Variants in SEC14L1 observed in about 807,000 individuals in gnomAD.
SEC14L1 encodes SEC14-like protein 1.
SEC14L1 carries 48 observed loss-of-function variants against 85.3 expected under a neutral mutation model. The observed-to-expected ratio is 0.56, with a 90% CI of 0.45 to 0.72. SEC14L1 has a LOEUF of 0.72. SEC14L1 is among the 30% of genes least tolerant of loss of function. SEC14L1 has a pLI of 0.00. For missense variants in SEC14L1, 682 were observed against 921.4 expected, an observed-to-expected ratio of 0.74 and a Z score of 3.36; for synonymous variants, 391 against 355.5, an observed-to-expected ratio of 1.10 and a Z score of -1.12.
In SEC14L1 at chr17:77,197,152, AT is replaced by A. The variant is rs560549795; in HGVS notation, c.819+842del. Among the ~76,000 whole-genome samples the A allele has an allele frequency of 2.6e-5, 4 of 152,334 alleles. No individual in the cohort carries two copies. In the East Asian group the frequency reaches 7.7e-4, roughly 29 times the overall value. On this transcript the variant is annotated intron_variant, in intron 8 of 16. Coordinates refer to ENST00000436233, the MANE Select transcript of SEC14L1 (RefSeq NM_001143998.2). ...TAACTGTGGTCCTTTCTGAGTGAAG[AT>A]GATGCCACGTCAGTAGGCCACATGC...
chr17:77,094,584 C>G (rs1161159208), intron 3 of SEC14L1: 1 of 152,354 alleles, frequency 6.6e-6, no homozygotes, highest in Non-Finnish European at 1.5e-5. Flanking sequence ...TCTCCTGCCT[C>G]AGCCTCCCAA....
In SEC14L1 at chr17:77,103,027, C is replaced by T. The variant is rs75289869; in HGVS notation, c.-136+9680C>T. Reference sequence around the variant, plus strand: ...CTCACTATATTGCCCAGACTGGACTCGAACTCCTGGCTTCAAGTGATCCTC... The same window carrying T: ...CTCACTATATTGCCCAGACTGGACTTGAACTCCTGGCTTCAAGTGATCCTC... On this transcript the variant is annotated intron_variant, in intron 3 of 19. Transcript: ENST00000392476. 5.0e-4 allele frequency among the ~76,000 whole-genome samples: 76 copies of T among 152,148 alleles called. No homozygotes were observed. In the East Asian group the frequency reaches 0.012, roughly 24 times the overall value.
At chr17:77,140,492 G>C (rs557272732), upstream of SEC14L1, among the ~76,000 whole-genome samples, 2 of 152,256 alleles carry the variant, frequency 1.3e-5, no homozygotes, top group Admixed American at 6.5e-5. Context: ...GAAGCACGGG[G>C]GCAGCCGCCA....
chr17:77,212,553 G>T (rs1182290828), intron 15 of SEC14L1, among the ~76,000 whole-genome samples: 1 of 152,170 alleles, frequency 6.6e-6, no homozygotes, highest in Admixed American at 6.5e-5. Flanking sequence ...ACCCTAAATA[G>T]AAGTAAGAGG....
At chr17:77,121,080 G>C (rs893700742) in intron 3 of SEC14L1, among the ~76,000 whole-genome samples, 1 of 152,202 alleles carries the variant, frequency 6.6e-6, no homozygotes, top group Non-Finnish European at 1.5e-5. Context: ...GTGATCCTGA[G>C]AGTTGGTTGT....
chr17:77,139,927 T>C (rs1433167050), upstream of SEC14L1, among the ~76,000 whole-genome samples: 2 of 152,214 alleles, frequency 1.3e-5, no homozygotes, highest in Non-Finnish European at 2.9e-5. Flanking sequence ...AATGATTTGC[T>C]TGTGTGTCTG....
chr17:77,209,560 A>C, intron 14 of SEC14L1, 84 bp downstream of exon 14: 1 of 1,452,352 alleles, frequency 6.9e-7, no homozygotes, highest in Non-Finnish European at 9.3e-7. Context: ...GCAGCCTTTC[A>C]TTCAGAACAG....
intron 3 of SEC14L1, among the ~76,000 whole-genome samples, chr17:77,177,899 C>G (rs1026000394): frequency 1.3e-5 from 2 of 151,912 alleles, no homozygotes; most frequent in Non-Finnish European, 2.9e-5. Context: ...CATGGCTGTC[C>G]TATGAAGAGT....
intron 9 of SEC14L1, among the ~76,000 whole-genome samples, chr17:77,201,502 G>A (rs1272098837): frequency 6.7e-6 from 1 of 149,828 alleles, no homozygotes; most frequent in African/African-American, 2.5e-5. Flanking sequence ...CAAGGCTGGA[G>A]TCCAGTGGCA....
intron 10 of SEC14L1, among the ~76,000 whole-genome samples, chr17:77,203,907 A>T (rs1263769332): frequency 6.6e-6 from 1 of 151,974 alleles, no homozygotes; most frequent in Non-Finnish European, 1.5e-5. Context: ...CAGCAGTTTG[A>T]GTCTTTTCAT....
At chr17:77,098,175 T>C (rs1598214594) in intron 3 of SEC14L1, among the ~76,000 whole-genome samples, 2 of 152,168 alleles carry the variant, frequency 1.3e-5, no homozygotes, top group Admixed American at 6.5e-5. Context: ...GAACCATTTT[T>C]CCCTCTAATG....
At chr17:77,192,929 C>G (rs921961346) in intron 5 of SEC14L1, among the ~76,000 whole-genome samples, 1 of 152,164 alleles carries the variant, frequency 6.6e-6, no homozygotes, top group African/African-American at 2.4e-5. Context: ...CCCAAAGTGT[C>G]GGGATTGCAG....
chr17:77,206,496 C>G lies in SEC14L1; in HGVS notation c.1341+96C>G. On this transcript the variant is annotated intron_variant, in intron 12 of 16. Transcript: ENST00000436233. This position sits in a 1 kb window ranked among gnomAD's most constrained non-coding sequence, Gnocchi z 4.3. Reference sequence around the variant, plus strand: ...TGTCTGTGACCTAAAGTCTTAACTTCTTAGGAAAAAAAACAATAACATGCA... The same window carrying G: ...TGTCTGTGACCTAAAGTCTTAACTTGTTAGGAAAAAAAACAATAACATGCA... 1 of 1,409,942 alleles carries G rather than the reference C, an allele frequency of 7.1e-7. No homozygotes were observed. The highest frequency in any genetic ancestry group is 9.6e-7 in the Non-Finnish European group (1 of 1,041,490). 87.3% of individuals were successfully genotyped at this position (1,409,942 alleles called of 1,614,324 possible). A position where few individuals can be genotyped will look rare whatever the true frequency, so the allele number is the denominator to read the frequency against.
At position 77,206,854 on chromosome 17, in the gene SEC14L1, G is replaced by A; in HGVS notation, c.1468G>A (p.Glu490Lys). ...KEIIPDFLSG[E>K]CMCEVPEGGL... ...GATTATTCCAGATTTCCTGAGTGGG[G>A]AGTGCATGGTATGTCCTGAGGCGAG... Residue 490 changes from glutamate to lysine, a missense_variant, in exon 13 of 17, where the codon GAG becomes AAG. Transcript: ENST00000436233. The surrounding 1 kb of genome is among the most constrained non-coding windows in gnomAD (Gnocchi z 4.3). 6.2e-7 allele frequency: 1 copy of A among 1,604,148 alleles called. No individual in the cohort carries two copies. Among genetic ancestry groups the A allele is most frequent in the Non-Finnish European group, 8.5e-7 (1 of 1,175,884 alleles).
intron 3 of SEC14L1, among the ~76,000 whole-genome samples, chr17:77,118,873 C>T (rs9914520): frequency 6.6e-6 from 1 of 152,180 alleles, no homozygotes; most frequent in African/African-American, 2.4e-5. Context: ...AAAGAAATAG[C>T]TAGTACTTTC....
intron 3 of SEC14L1, among the ~76,000 whole-genome samples, chr17:77,120,390 G>A (rs564672480): frequency 6.6e-6 from 1 of 152,022 alleles, no homozygotes; most frequent in South Asian, 2.1e-4. Context: ...GGTCTAGAAC[G>A]TCGCTGTGTG....
chr17:77,178,146 C>A (rs2143722698), intron 3 of SEC14L1, among the ~76,000 whole-genome samples: 1 of 135,160 alleles, frequency 7.4e-6, no homozygotes, highest in East Asian at 2.4e-4. Context: ...GGCAGAAAAT[C>A]TTAAAGCGGA....
chr17:77,214,778 G>A lies in SEC14L1; in HGVS notation c.*755G>A, dbSNP rs1488569754. ...TTTTCTGTATGTGAACTTGGGTGGG[G>A]GGGTTCTTCCCGTTTCCTTCCGTGC... On this transcript the variant is annotated 3_prime_UTR_variant, in exon 17 of 17. Coordinates refer to ENST00000436233, the MANE Select transcript of SEC14L1 (RefSeq NM_001143998.2). 1 of 985,376 alleles carries A rather than the reference G, an allele frequency of 1.0e-6. No individual in the cohort carries two copies. The highest frequency in any genetic ancestry group is 1.2e-6 in the Non-Finnish European group (1 of 830,014). 61.0% of individuals were successfully genotyped at this position (985,376 alleles called of 1,614,324 possible). A position where few individuals can be genotyped will look rare whatever the true frequency, so the allele number is the denominator to read the frequency against.
At chr17:77,131,564 C>G (rs1384939885) in intron 3 of SEC14L1, among the ~76,000 whole-genome samples, 3 of 152,190 alleles carry the variant, frequency 2.0e-5, no homozygotes, top group Non-Finnish European at 2.9e-5. Context: ...GCCACCACAC[C>G]CAGCTGTAGT....
Sources: allele counts gnomAD v4.1 joint callset (sites outside exome capture counted in the v4.1 genomes callset), GRCh38; gene constraint gnomAD v4.1.1; non-coding constraint Gnocchi (gnomAD v3.1); transcripts MANE v1.5; gene names NCBI Gene and HGNC (gene_info 2026-07-23, HGNC 2026-07-21).